FKBP1B: variants seen among roughly 807,000 people sequenced by gnomAD.
The protein encoded by FKBP1B is peptidyl-prolyl cis-trans isomerase FKBP1B.
FKBP1B carries 4 observed loss-of-function variants against 13.5 expected under a neutral mutation model. The observed-to-expected ratio is 0.30, with a 90% CI of 0.15 to 0.68. The LOEUF (loss-of-function observed/expected upper bound fraction) is 0.68. Ranked by LOEUF, FKBP1B falls within the 30% of genes least tolerant of loss-of-function variation. FKBP1B has a pLI of 0.76. For missense variants in FKBP1B, 93 were observed against 136.2 expected (o/e 0.68, Z 1.58); for synonymous variants, 54 against 53.6 (o/e 1.01, Z -0.03).
At chr2:24,038,885 T>C in the FKBP1B span, 1 of 1,614,242 alleles carries the variant, frequency 6.2e-7, no homozygotes. Context: ...CAGACGTGGC[T>C]GTCCACATCA....
At chr2:24,037,362 A>G in the FKBP1B span, among the ~76,000 whole-genome samples, 2 of 152,254 alleles carry the variant, frequency 1.3e-5, no homozygotes, top group African/African-American at 4.8e-5. Context: ...TCTCTATTAT[A>G]TAAGGAAAAG....
rs1472921464 is a variant in FKBP1B, at chr2:24,054,087, TC to T, written c.85+140del. Reference sequence around the variant, plus strand: ...AGCAGGGTCTCCCTGTGACCAGCCATCCTCTACTCCTCCCAGCCAGTCTAGT... The same window carrying T: ...AGCAGGGTCTCCCTGTGACCAGCCATCTCTACTCCTCCCAGCCAGTCTAGT... On this transcript the variant is annotated intron_variant, in intron 2 of 3. Coordinates refer to ENST00000380986, the MANE Select transcript of FKBP1B (RefSeq NM_004116.5). 3.9e-6 allele frequency: 3 copies of T among 777,168 alleles called. No individual in the cohort carries two copies. The South Asian group carries it at 4.4e-5, about 11-fold the overall frequency. 48.1% of individuals were successfully genotyped at this position (777,168 alleles called of 1,614,324 possible).
At chr2:24,043,790 A>C in the FKBP1B span, among the ~76,000 whole-genome samples, 1 of 152,174 alleles carries the variant, frequency 6.6e-6, no homozygotes, top group African/African-American at 2.4e-5. Context: ...TCTAAATCCA[A>C]TGAAATGTAT....
At chr2:24,037,964 T>C in the FKBP1B span, 4 of 1,614,236 alleles carry the variant, frequency 2.5e-6, no homozygotes, top group Non-Finnish European at 2.5e-6. Context: ...TCTAGAGCTA[T>C]GGAGCCATCA....
intron 2 of FKBP1B, among the ~76,000 whole-genome samples, chr2:24,057,377 T>A (rs1462079873): frequency 2.0e-5 from 3 of 148,144 alleles, no homozygotes; most frequent in African/African-American, 7.4e-5. Context: ...TTTTTGGTTT[T>A]TTTTTGTGTG....
At chr2:24,058,417 A>C (rs1374897872) in intron 2 of FKBP1B, among the ~76,000 whole-genome samples, 1 of 152,010 alleles carries the variant, frequency 6.6e-6, no homozygotes, top group Non-Finnish European at 1.5e-5. Flanking sequence ...AAAAACCTTT[A>C]TTTGCTGCAT....
At chr2:24,048,413 G>A (rs568015624), upstream of FKBP1B, among the ~76,000 whole-genome samples, 1 of 149,126 alleles carries the variant, frequency 6.7e-6, no homozygotes, top group South Asian at 2.1e-4. Context: ...GGAGGTTGCA[G>A]TGAGCCGAGA....
the FKBP1B span, chr2:24,037,556 ACATGCCCAG>A: frequency 8.6e-7 from 1 of 1,168,252 alleles, no homozygotes; most frequent in Non-Finnish European, 1.2e-6. Context: ...CTGTAACATA[ACATGCCCAG>A]CTTAGTGAAG....
chr2:24,042,317 C>T, the FKBP1B span, among the ~76,000 whole-genome samples: 1 of 151,934 alleles, frequency 6.6e-6, no homozygotes, highest in Non-Finnish European at 1.5e-5. Context: ...GCAGGCGGAT[C>T]ACGAGGTCAG....
chr2:24,044,271 T>A, the FKBP1B span, among the ~76,000 whole-genome samples: 2 of 151,972 alleles, frequency 1.3e-5, no homozygotes, highest in African/African-American at 2.4e-5. Flanking sequence ...CTGAGGTTTT[T>A]TTTTGGGGGG....
At chr2:24,039,849 G>C in the FKBP1B span, among the ~76,000 whole-genome samples, 2 of 151,932 alleles carry the variant, frequency 1.3e-5, no homozygotes, top group African/African-American at 4.8e-5. Context: ...TCAGGCTGAA[G>C]TGCAATGGCA....
In FKBP1B at chr2:24,052,742, G is replaced by T. The variant is rs1269785052; in HGVS notation, c.38-1160G>T. On this transcript the variant is annotated intron_variant, in intron 1 of 3. Transcript: ENST00000380986. Reference sequence around the variant, plus strand: ...AGCACTTTGGGAGGTTGAGGTGGGAGAATCTCTTGAGCTCAGGAGTTCAAG... The same window carrying T: ...AGCACTTTGGGAGGTTGAGGTGGGATAATCTCTTGAGCTCAGGAGTTCAAG... Among the ~76,000 whole-genome samples the T allele has an allele frequency of 2.0e-5, 3 of 152,300 alleles. No homozygotes were observed. In the East Asian group the frequency reaches 5.8e-4, roughly 29 times the overall value.
chr2:24,058,085 T>A (rs1231618889), intron 2 of FKBP1B, among the ~76,000 whole-genome samples: 1 of 151,668 alleles, frequency 6.6e-6, no homozygotes, highest in Non-Finnish European at 1.5e-5. Flanking sequence ...TAATCCCAGC[T>A]ACTCGGGAGG....
At position 24,063,282 on chromosome 2, in the gene FKBP1B, T is replaced by A. The variant is rs1330015288; in HGVS notation, c.*90T>A. The A allele has an allele frequency of 7.7e-7, 1 of 1,297,788 alleles. No individual in the cohort carries two copies. The highest frequency in any genetic ancestry group is 2.5e-5 in the East Asian group (1 of 40,424). The allele number at this position is 1,297,788 out of a possible 1,614,324, so 80.4% of individuals were successfully genotyped here. ...CTGGGACGGCTCCTGCTTTTGGGGC[T>A]CTTGATCAGTGTGCTAACCTCACTG... On this transcript the variant is annotated 3_prime_UTR_variant, in exon 4 of 4. Transcript: ENST00000380986.
upstream of FKBP1B, among the ~76,000 whole-genome samples, chr2:24,047,880 T>G (rs983374932): frequency 6.6e-6 from 1 of 152,250 alleles, no homozygotes; most frequent in African/African-American, 2.4e-5. Context: ...CCGCAGCCTA[T>G]GGATTTAGTG....
At chr2:24,037,778 G>A in the FKBP1B span, 91 of 1,614,252 alleles carry the variant, frequency 5.6e-5, no homozygotes, top group Admixed American at 1.1e-3. Context: ...GAAAGACACC[G>A]TTGCATTTCA....
upstream of FKBP1B, among the ~76,000 whole-genome samples, chr2:24,046,414 G>A (rs1663627451): frequency 6.6e-6 from 1 of 152,170 alleles, no homozygotes; most frequent in Admixed American, 6.5e-5. Context: ...CAGAGTATAA[G>A]TTTTTTGGAG....
chr2:24,048,101 CT>C (rs1663690011), upstream of FKBP1B, among the ~76,000 whole-genome samples: 5 of 152,294 alleles, frequency 3.3e-5, no homozygotes, highest in South Asian at 1.0e-3. Context: ...CCAGGCTTTT[CT>C]CCCCATGCCT....
the FKBP1B span, among the ~76,000 whole-genome samples, chr2:24,034,871 G>A: frequency 6.6e-6 from 1 of 151,868 alleles, no homozygotes; most frequent in Non-Finnish European, 1.5e-5. Flanking sequence ...CACTGTGCCT[G>A]GCCAAACATG....
Sources: gnomAD v4.1 joint callset for allele counts (sites outside exome capture counted in the v4.1 genomes callset) on GRCh38, gnomAD v4.1.1 for gene constraint, MANE v1.5 for transcripts, NCBI Gene and HGNC (gene_info 2026-07-23, HGNC 2026-07-21) for gene names.